FAM168A: variants seen among roughly 807,000 people sequenced by gnomAD.
FAM168A encodes family with sequence similarity 168 member A, also known as protein FAM168A.
A neutral mutation model predicts 28.5 loss-of-function variants in FAM168A; 3 were observed. The ratio of observed to expected loss-of-function variants is 0.11; its 90% confidence interval spans 0.05 to 0.27. FAM168A has a LOEUF of 0.27. Among genes scored for constraint, FAM168A ranks in the 10% least tolerant of loss-of-function variants. FAM168A has a pLI of 1.00. For missense variants in FAM168A, 222 were observed against 311.5 expected (o/e 0.71, Z 2.16); for synonymous variants, 122 against 124.2 (o/e 0.98, Z 0.12).
chr11:73,569,635 A>T (rs1944062515), intron 1 of FAM168A, among the ~76,000 whole-genome samples: 1 of 152,086 alleles, frequency 6.6e-6, no homozygotes, highest in Non-Finnish European at 1.5e-5. Flanking sequence ...CAGCCTGGCC[A>T]ATATGGTGAA....
chr11:73,431,338 T>C (rs1450505052), intron 2 of FAM168A, among the ~76,000 whole-genome samples: 1 of 151,684 alleles, frequency 6.6e-6, no homozygotes, highest in East Asian at 1.9e-4. Context: ...CAAGACTCCA[T>C]CCGCTGCCCC....
rs142141285 is a variant in FAM168A, at chr11:73,586,018, C to T, written c.-19+11905G>A. Among the ~76,000 whole-genome samples, 624 of 152,190 alleles carry T rather than the reference C, an allele frequency of 4.1e-3. 9 individuals carry two copies. Among genetic ancestry groups the T allele is most frequent in the African/African-American group, 0.014 (597 of 41,514 alleles). ...CTCAGAGTGGGTGAGTTATATCCTG[C>T]TCTGTAAAAACTGGTTCACTCACTT... On this transcript the variant is annotated intron_variant, in intron 1 of 7. Coordinates refer to ENST00000356467, the MANE Select transcript of FAM168A (RefSeq NM_015159.3).
At chr11:73,447,623 C>T (rs1867344265) in intron 2 of FAM168A, among the ~76,000 whole-genome samples, 1 of 151,706 alleles carries the variant, frequency 6.6e-6, no homozygotes, top group Admixed American at 6.6e-5. Flanking sequence ...CAGTGATGGC[C>T]CCCTACGTTG....
chr11:73,412,180 C>T (rs1337362418), intron 4 of FAM168A: 1 of 149,224 alleles, frequency 6.7e-6, no homozygotes, highest in Non-Finnish European at 1.5e-5. Context: ...TTCTGGGATG[C>T]TGACCATACA....
At position 73,445,846 on chromosome 11, in the gene FAM168A, C is replaced by T. The variant is rs143065262; in HGVS notation, c.71-15076G>A. Among the ~76,000 whole-genome samples the T allele has an allele frequency of 2.4e-3, 373 of 152,282 alleles. 4 individuals carry two copies. The highest frequency in any genetic ancestry group is 4.5e-3 in the Non-Finnish European group (307 of 68,026). On this transcript the variant is annotated intron_variant, in intron 2 of 7. Transcript: ENST00000356467. ...ATCAAATATTCTATCTCTGTTTCCT[C>T]ATCTGCAAGATAGTAACAACAGCTA...
intron 2 of FAM168A, among the ~76,000 whole-genome samples, chr11:73,441,739 GTTTC>G (rs1565246390): frequency 6.6e-6 from 1 of 152,134 alleles, no homozygotes; most frequent in Non-Finnish European, 1.5e-5. Flanking sequence ...GGTGTTGGCA[GTTTC>G]TTTCTTTCTA....
At chr11:73,490,291 GC>G (rs915750680) in intron 1 of FAM168A, among the ~76,000 whole-genome samples, 3 of 151,446 alleles carry the variant, frequency 2.0e-5, no homozygotes, top group Admixed American at 6.6e-5. Flanking sequence ...AAGTATTACT[GC>G]CCCCCCTGTT....
chr11:73,487,469 T>C (rs528279592), intron 1 of FAM168A, among the ~76,000 whole-genome samples: 1 of 152,342 alleles, frequency 6.6e-6, no homozygotes, highest in African/African-American at 2.4e-5. Flanking sequence ...TCCCTCTTTG[T>C]AGCCATTTAC....
chr11:73,449,825 T>C (rs973239691), intron 2 of FAM168A, among the ~76,000 whole-genome samples: 1 of 152,254 alleles, frequency 6.6e-6, no homozygotes, highest in Non-Finnish European at 1.5e-5. Context: ...TTCTCCTTGG[T>C]AGACAGAGAC....
intron 1 of FAM168A, among the ~76,000 whole-genome samples, chr11:73,499,232 G>A (rs1275954787): frequency 6.6e-6 from 1 of 152,096 alleles, no homozygotes; most frequent in Non-Finnish European, 1.5e-5. Flanking sequence ...AAGACCTGAA[G>A]TGAACCCCCG....
At chr11:73,450,917 T>C (rs1040466225) in intron 2 of FAM168A, among the ~76,000 whole-genome samples, 1 of 152,202 alleles carries the variant, frequency 6.6e-6, no homozygotes, top group African/African-American at 2.4e-5. Context: ...ATGCATATAC[T>C]ACTACTAGCT....
chr11:73,513,205 A>ATTTT (rs1046600591), intron 1 of FAM168A, among the ~76,000 whole-genome samples: 8 of 109,372 alleles, frequency 7.3e-5, no homozygotes, highest in African/African-American at 1.9e-4. Flanking sequence ...TTTTTTTTTA[A>ATTTT]TTTTTTTTTT....
chr11:73,572,318 G>A (rs188222026), intron 1 of FAM168A, among the ~76,000 whole-genome samples: 11,849 of 151,780 alleles, frequency 0.078, 546 homozygotes, highest in Non-Finnish European at 0.11. Flanking sequence ...CTGCCTGGCC[G>A]CCCCTACTGG....
chr11:73,597,611 C>T (rs1266093612), intron 1 of FAM168A, among the ~76,000 whole-genome samples: 3 of 151,930 alleles, frequency 2.0e-5, no homozygotes, highest in Admixed American at 6.6e-5. Context: ...TCTCATCTTC[C>T]ACCTCGCCCC....
At chr11:73,466,391 T>C (rs1867736129) in intron 2 of FAM168A, among the ~76,000 whole-genome samples, 1 of 152,238 alleles carries the variant, frequency 6.6e-6, no homozygotes, top group Admixed American at 6.5e-5. Flanking sequence ...AGTTCAAATA[T>C]TTTCTCATCC....
chr11:73,457,746 AAAAAG>A (rs796775851), intron 2 of FAM168A, among the ~76,000 whole-genome samples: 9 of 138,470 alleles, frequency 6.5e-5, no homozygotes, highest in African/African-American at 1.5e-4. Context: ...AAAAAAAAAA[AAAAAG>A]AAAAGAAAAG....
Position 73,520,181 on chromosome 11 carries a change from G to T in FAM168A, c.-18-51689C>A, listed in dbSNP as rs563916319. ...CTGCCTCAGCTTCCTAAGTAGCTGG[G>T]ACTACAGGCGTGCACCACCATGCCC... On this transcript the variant is annotated intron_variant, in intron 1 of 7. Transcript: ENST00000356467. 3.9e-5 allele frequency among the ~76,000 whole-genome samples: 6 copies of T among 151,932 alleles called. No homozygotes were observed. In the East Asian group the frequency reaches 1.2e-3, roughly 29 times the overall value.
intron 1 of FAM168A, among the ~76,000 whole-genome samples, chr11:73,493,511 C>T (rs1016129739): frequency 2.6e-5 from 4 of 152,178 alleles, no homozygotes; most frequent in African/African-American, 4.8e-5. Context: ...CTCCTGGGCT[C>T]AAGTGATCCT....
chr11:73,539,720 G>C (rs937539286), intron 1 of FAM168A, among the ~76,000 whole-genome samples: 1 of 152,244 alleles, frequency 6.6e-6, no homozygotes, highest in Non-Finnish European at 1.5e-5. Context: ...GCTTCATTAA[G>C]TGTAAAGCTG....
Sources: allele counts gnomAD v4.1 joint callset (sites outside exome capture counted in the v4.1 genomes callset), GRCh38; gene constraint gnomAD v4.1.1; transcripts MANE v1.5; gene names NCBI Gene and HGNC (gene_info 2026-07-23, HGNC 2026-07-21).